Variants in CCDC174 observed in about 807,000 individuals in gnomAD.
CCDC174 encodes the protein coiled-coil domain containing 174.
CCDC174 carries 37 observed loss-of-function variants against 57.1 expected under a neutral mutation model. That is an observed-to-expected ratio of 0.65 (90% CI 0.50 to 0.85). The LOEUF (loss-of-function observed/expected upper bound fraction) is 0.85, where lower values mean the gene tolerates loss of function less well. Among genes scored for constraint, CCDC174 ranks in the 40% least tolerant of loss-of-function variants. CCDC174 has a pLI of 0.00. For synonymous variants in CCDC174, 182 were observed against 190.2 expected (o/e 0.96, Z 0.35); for missense variants, 540 against 574.3 (o/e 0.94, Z 0.61).
intron 2 of CCDC174, among the ~76,000 whole-genome samples, chr3:14,655,300 G>A (rs2030913094): frequency 2.0e-5 from 3 of 151,546 alleles, no homozygotes; most frequent in African/African-American, 7.3e-5. Context: ...GACAGAGTGA[G>A]ATCCTGTCTC....
chr3:14,659,746 A>C (rs1470501360), intron 4 of CCDC174, among the ~76,000 whole-genome samples: 1 of 152,160 alleles, frequency 6.6e-6, no homozygotes, highest in Non-Finnish European at 1.5e-5. Flanking sequence ...CCCAGAAAAA[A>C]CCCAATCCAT....
At chr3:14,661,169 T>C (rs959984956) in intron 4 of CCDC174, among the ~76,000 whole-genome samples, 3 of 152,258 alleles carry the variant, frequency 2.0e-5, no homozygotes, top group Non-Finnish European at 2.9e-5. Context: ...GAAGTTCTAC[T>C]GTCCTGATCT....
At chr3:14,658,735 TG>T (rs1485019180) in intron 3 of CCDC174, 135 bp from the exon 4 acceptor site, 50 of 898,580 alleles carry the variant, frequency 5.6e-5, no homozygotes, top group Non-Finnish European at 8.1e-5. Flanking sequence ...CAGGATGGTG[TG>T]GTCTGTGCTG....
At chr3:14,657,425 C>A (rs1191146488) in intron 3 of CCDC174, among the ~76,000 whole-genome samples, 2 of 152,236 alleles carry the variant, frequency 1.3e-5, no homozygotes, top group Non-Finnish European at 2.9e-5. Context: ...TTAGAGGTTG[C>A]AGGCAGTGTC....
In CCDC174 at chr3:14,657,333, T is replaced by C. The variant is rs1218628767; in HGVS notation, c.249-1538T>C. On this transcript the variant is annotated intron_variant, in intron 3 of 10. Transcript: ENST00000383794. ...AAGTTAGTTATCTGTTAAGACTCTT[T>C]CTTTATCTATGAAGTGAGGTGGTTA... is the stretch of plus-strand genomic sequence containing the variant. Among the ~76,000 whole-genome samples the C allele has an allele frequency of 2.0e-5, 3 of 152,336 alleles. No homozygotes were observed. The East Asian group carries it at 5.8e-4, about 29-fold the overall frequency.
rs528853476 is a variant in CCDC174 at position 14,669,988 on chromosome 3, G to A, written c.1007G>A (p.Arg336His). The A allele has an allele frequency of 1.7e-5, 28 of 1,613,586 alleles. No individual in the cohort carries two copies. Among genetic ancestry groups the A allele is most frequent in the Middle Eastern group, 1.7e-4 (1 of 6,056 alleles). The change falls in exon 10 of 11, where the codon CGT (arginine) becomes CAT (histidine). Residue 336 changes from arginine to histidine, a missense_variant. Physicochemically the swap from Arg to His is conservative, Grantham distance 29. Transcript: ENST00000383794. ...PPEPEAVPTP[R>H]PAAQSSKVEV... is the part of the protein sequence containing the mutation. ...GAGCCAGAGGCTGTGCCAACCCCAC[G>A]TCCTGCTGCCCAGAGTAGCAAAGTA...
rs1240134630 is a variant in CCDC174 at position 14,651,820 on chromosome 3, G to GA, written c.-16dup. On this transcript the variant is annotated 5_prime_UTR_variant, in exon 1 of 11. Transcript: ENST00000383794. ...GTAGAAAGGGTCCTTCCTGGACCGGGACCCTCTGCCACGACCATGGACCGT... is the reference window on the plus strand; with the variant it reads ...GTAGAAAGGGTCCTTCCTGGACCGGGAACCCTCTGCCACGACCATGGACCGT... The GA allele has an allele frequency of 6.2e-7, 1 of 1,614,098 alleles. No homozygotes were observed. The highest frequency in any genetic ancestry group is 1.1e-5 in the South Asian group (1 of 91,074).
intron 1 of CCDC174, among the ~76,000 whole-genome samples, chr3:14,652,937 T>C (rs1458697112): frequency 6.7e-6 from 1 of 149,684 alleles, no homozygotes; most frequent in Non-Finnish European, 1.5e-5. Context: ...ATCTTAGTGA[T>C]AGACCCTTTC....
intron 3 of CCDC174, among the ~76,000 whole-genome samples, chr3:14,657,213 T>A (rs753646939): frequency 6.6e-6 from 1 of 152,242 alleles, no homozygotes; most frequent in Non-Finnish European, 1.5e-5. Context: ...TGCTGTGTTG[T>A]GGGAGTCAAG....
intron 1 of CCDC174, among the ~76,000 whole-genome samples, chr3:14,653,587 G>A (rs1340440027): frequency 5.3e-5 from 8 of 152,258 alleles, no homozygotes; most frequent in South Asian, 2.1e-4. Flanking sequence ...CCATTAAAAA[G>A]GAAACTGTTG....
chr3:14,666,930 A>G lies in CCDC174; in HGVS notation c.707A>G (p.Glu236Gly). The change falls in exon 7 of 11, where the codon GAA (glutamate) becomes GGA (glycine). Residue 236 changes from glutamate to glycine, a missense_variant. Transcript: ENST00000383794. ...AGGCCCATGGGGCCCGTACATTATG[A>G]AGACATTCGGGAAAATGGTATGACT... ...LKRPMGPVHY[E>G]DIRENEARQL... 5.1e-6 allele frequency: 8 copies of G among 1,581,776 alleles called. No individual in the cohort carries two copies. Among genetic ancestry groups the G allele is most frequent in the Non-Finnish European group, 6.8e-6 (8 of 1,171,092 alleles).
intron 6 of CCDC174, 104 bp from the exon 7 acceptor site, chr3:14,666,701 T>C (rs1445380824): frequency 2.2e-6 from 2 of 924,782 alleles, no homozygotes; most frequent in African/African-American, 1.7e-5. Context: ...TTCCCTGTTT[T>C]CTTTATCAAA....
Position 14,664,702 on chromosome 3 carries a change from T to C in CCDC174, c.486-326T>C, listed in dbSNP as rs542913695. 1.4e-4 allele frequency among the ~76,000 whole-genome samples: 22 copies of C among 152,338 alleles called. No homozygotes were observed. The South Asian group carries it at 2.7e-3, about 19-fold the overall frequency. On this transcript the variant is annotated intron_variant, in intron 5 of 10. Coordinates refer to ENST00000383794, the MANE Select transcript of CCDC174 (RefSeq NM_016474.5). ...AAGTTATTAAGATACTGATAAAATG[T>C]CTGGAATTGTCTCAACTAGGTTAAA...
chr3:14,653,418 G>A (rs1441245968), intron 1 of CCDC174, among the ~76,000 whole-genome samples: 3 of 152,166 alleles, frequency 2.0e-5, no homozygotes, highest in Non-Finnish European at 4.4e-5. Flanking sequence ...ATTATTAAAT[G>A]GTTACCTTTT....
chr3:14,653,857 C>T (rs1022856434), intron 1 of CCDC174, among the ~76,000 whole-genome samples: 27 of 152,226 alleles, frequency 1.8e-4, no homozygotes, highest in African/African-American at 6.3e-4. Context: ...GATCACTCTG[C>T]TCAGAAGGAA....
At chr3:14,659,057 C>A (rs2124835398) in intron 4 of CCDC174, 128 bp downstream of exon 4, 2 of 880,744 alleles carry the variant, frequency 2.3e-6, no homozygotes, top group East Asian at 3.5e-5. Context: ...CTTTCCATGG[C>A]TGCACAGAGA....
intron 2 of CCDC174, among the ~76,000 whole-genome samples, chr3:14,655,284 C>T (rs1417800693): frequency 2.0e-5 from 3 of 151,954 alleles, no homozygotes; most frequent in South Asian, 2.1e-4. Flanking sequence ...ACACTCCAGC[C>T]TGGGTGACAG....
intron 6 of CCDC174, among the ~76,000 whole-genome samples, chr3:14,666,172 A>C (rs1456585201): frequency 6.6e-6 from 1 of 152,120 alleles, no homozygotes; most frequent in Admixed American, 6.5e-5. Context: ...CCCAGATGAG[A>C]GACCATCCAC....
chr3:14,661,289 T>C (rs1270368341), intron 4 of CCDC174, among the ~76,000 whole-genome samples: 3 of 152,232 alleles, frequency 2.0e-5, no homozygotes, highest in Admixed American at 6.5e-5. Flanking sequence ...ATGGTTTTGC[T>C]CACTCAGGTA....
Sources: allele counts gnomAD v4.1 joint callset (sites outside exome capture counted in the v4.1 genomes callset), GRCh38; gene constraint gnomAD v4.1.1; transcripts MANE v1.5; gene names NCBI Gene and HGNC (gene_info 2026-07-23, HGNC 2026-07-21).